MSH3: variants seen among roughly 807,000 people sequenced by gnomAD.
MSH3 encodes the protein DNA mismatch repair protein Msh3.
In MSH3, 106 loss-of-function variants were observed where a neutral mutation model predicts 123.3. The ratio of observed to expected loss-of-function variants is 0.86; its 90% CI spans 0.73 to 1.01. The LOEUF (loss-of-function observed/expected upper bound fraction) is 1.01. Ranked by LOEUF, MSH3 falls within the 50% of genes least tolerant of loss-of-function variation. The probability of loss-of-function intolerance (pLI) is 0.00; values close to 1 mark genes in which losing one functional copy is unlikely to be tolerated. For missense variants in MSH3, 1,459 were observed against 1,347.6 expected (o/e 1.08, Z -1.29); for synonymous variants, 515 against 481.4 (o/e 1.07, Z -0.91).
chr5:80,683,399 T>G (rs896235728), intron 8 of MSH3, among the ~76,000 whole-genome samples: 1 of 152,166 alleles, frequency 6.6e-6, no homozygotes, highest in Non-Finnish European at 1.5e-5. Flanking sequence ...ATAAAAGCCA[T>G]TTTAACTGAG....
At chr5:80,756,708 T>G (rs1743932824) in intron 12 of MSH3, among the ~76,000 whole-genome samples, 1 of 152,212 alleles carries the variant, frequency 6.6e-6, no homozygotes, top group Non-Finnish European at 1.5e-5. Flanking sequence ...CACTAGAGTG[T>G]AAATTGTTTG....
chr5:80,742,735 C>T (rs926012121), intron 11 of MSH3, among the ~76,000 whole-genome samples: 1 of 152,096 alleles, frequency 6.6e-6, no homozygotes, highest in African/African-American at 2.4e-5. Context: ...AGAATCTGTC[C>T]TGCCGGTCTG....
chr5:80,750,915 C>T (rs559658713), intron 12 of MSH3, among the ~76,000 whole-genome samples: 2 of 151,720 alleles, frequency 1.3e-5, no homozygotes, highest in African/African-American at 2.4e-5. Context: ...CAACTTAAAA[C>T]GTTGTGTTAA....
intron 1 of MSH3, 152 bp downstream of exon 1, chr5:80,655,116 G>C: frequency 1.9e-6 from 1 of 527,758 alleles, no homozygotes; most frequent in Non-Finnish European, 3.3e-6. Flanking sequence ...GAGCCCAGCC[G>C]GGGCTACAAA....
chr5:80,670,873 A>G lies in MSH3; in HGVS notation c.792+564A>G, dbSNP rs556932245. On this transcript the variant is annotated intron_variant, in intron 4 of 23. Transcript: ENST00000265081. Reference sequence around the variant, plus strand: ...GGTGGCTCATGCTTATAATCCCAGCACTTCGGGAAGCTGAGGTGGGTGGAT... The same window carrying G: ...GGTGGCTCATGCTTATAATCCCAGCGCTTCGGGAAGCTGAGGTGGGTGGAT... 2.6e-5 allele frequency among the ~76,000 whole-genome samples: 4 copies of G among 152,212 alleles called. No individual in the cohort carries two copies. In the East Asian group the frequency reaches 7.7e-4, roughly 29 times the overall value.
At position 80,792,833 on chromosome 5, in the gene MSH3, A is replaced by G. The variant is rs1744631960; in HGVS notation, c.2644A>G (p.Thr882Ala). 2.5e-6 allele frequency: 4 copies of G among 1,606,844 alleles called. No individual in the cohort carries two copies. The highest frequency in any genetic ancestry group is 3.4e-6 in the Non-Finnish European group (4 of 1,173,574). The change falls in exon 19 of 24, where the codon ACA (threonine) becomes GCA (alanine). Residue 882 changes from threonine to alanine, a missense_variant. By Grantham distance (58) the Thr-to-Ala change is moderately conservative. Transcript: ENST00000265081. Reference sequence around the variant, plus strand: ...ACAGGATCAATATGTCCCAAATAATACAGATTTATCAGTAAGTACCTTATG... The same window carrying G: ...ACAGGATCAATATGTCCCAAATAATGCAGATTTATCAGTAAGTACCTTATG... ...GEQDQYVPNN[T>A]DLSEDSERVM...
At chr5:80,849,368 A>G (rs1745789123) in intron 20 of MSH3, among the ~76,000 whole-genome samples, 1 of 152,078 alleles carries the variant, frequency 6.6e-6, no homozygotes, top group South Asian at 2.1e-4. Flanking sequence ...GTTCCACTAG[A>G]TGGTGCCCCA....
At chr5:80,821,161 C>T (rs1745199691) in intron 20 of MSH3, among the ~76,000 whole-genome samples, 1 of 152,180 alleles carries the variant, frequency 6.6e-6, no homozygotes, top group Non-Finnish European at 1.5e-5. Context: ...ATCTCTATGA[C>T]ACTTTGACCA....
intron 12 of MSH3, among the ~76,000 whole-genome samples, chr5:80,750,653 A>G (rs763023208): frequency 2.0e-5 from 3 of 152,082 alleles, no homozygotes; most frequent in African/African-American, 7.2e-5. Flanking sequence ...TGATTTGCAG[A>G]TATTTTCTCC....
chr5:80,671,947 A>G (rs1749734371), intron 4 of MSH3, among the ~76,000 whole-genome samples: 1 of 152,192 alleles, frequency 6.6e-6, no homozygotes, highest in Non-Finnish European at 1.5e-5. Context: ...TGTATTGGAT[A>G]GTCTTTGTGT....
chr5:80,777,911 C>T (rs763259075), intron 16 of MSH3, among the ~76,000 whole-genome samples: 4 of 152,302 alleles, frequency 2.6e-5, no homozygotes, highest in Non-Finnish European at 4.4e-5. Context: ...CTTACAGGCG[C>T]TCTCCTAAGT....
chr5:80,767,478 T>C (rs1744142435), intron 13 of MSH3, among the ~76,000 whole-genome samples: 1 of 152,236 alleles, frequency 6.6e-6, no homozygotes, highest in Non-Finnish European at 1.5e-5. Context: ...GATAATCGTA[T>C]ACATACTTGC....
intron 2 of MSH3, 43 bp from the exon 3 acceptor site, chr5:80,665,100 C>A: frequency 6.5e-7 from 1 of 1,530,408 alleles, no homozygotes; most frequent in Non-Finnish European, 9.0e-7. Context: ...ATAATGAGAC[C>A]AAAATTACTA....
Position 80,743,323 on chromosome 5 carries a change from T to C in MSH3, c.1654-1183T>C, listed in dbSNP as rs536629745. On this transcript the variant is annotated intron_variant, in intron 11 of 23. Coordinates refer to ENST00000265081, the MANE Select transcript of MSH3 (RefSeq NM_002439.5). ...CCAGCCATCCTCAGAGGAACCTTTG[T>C]GACCTTGTACCTTCTCTGTGCTCTC... 3.3e-5 allele frequency among the ~76,000 whole-genome samples: 5 copies of C among 152,282 alleles called. No individual in the cohort carries two copies. The South Asian group carries it at 1.0e-3, about 32-fold the overall frequency.
intron 20 of MSH3, among the ~76,000 whole-genome samples, chr5:80,832,891 C>G (rs13156751): frequency 0.011 from 1,617 of 152,110 alleles, 14 homozygotes; most frequent in Non-Finnish European, 0.016. Flanking sequence ...GTATTTCTCC[C>G]TTATACTAGC....
intron 20 of MSH3, among the ~76,000 whole-genome samples, chr5:80,820,990 G>A (rs1429580870): frequency 1.3e-5 from 2 of 152,162 alleles, no homozygotes; most frequent in Middle Eastern, 3.2e-3. Context: ...GACCATGCCG[G>A]CAATTCAGCT....
In MSH3 at chr5:80,675,552, C is replaced by G. The variant is rs1461525036; in HGVS notation, c.1173+424C>G. 1.1e-4 allele frequency among the ~76,000 whole-genome samples: 17 copies of G among 152,282 alleles called. No homozygotes were observed. The East Asian group carries it at 3.3e-3, about 29-fold the overall frequency. ...GGAAGTGCTACACACTTTTAAACAACCAGATATTGTGAGAACTGTCATGAG... is the reference window on the plus strand; with the variant it reads ...GGAAGTGCTACACACTTTTAAACAAGCAGATATTGTGAGAACTGTCATGAG... On this transcript the variant is annotated intron_variant, in intron 7 of 23. Transcript: ENST00000265081.
intron 15 of MSH3, among the ~76,000 whole-genome samples, chr5:80,770,869 A>G (rs751601236): frequency 1.3e-5 from 2 of 152,236 alleles, no homozygotes; most frequent in East Asian, 1.9e-4. Flanking sequence ...TCAGGAATTC[A>G]TAAGAGATAG....
At chr5:80,846,249 A>G (rs1025504126) in intron 20 of MSH3, among the ~76,000 whole-genome samples, 1 of 151,938 alleles carries the variant, frequency 6.6e-6, no homozygotes, top group African/African-American at 2.4e-5. Context: ...AACAGTAAAT[A>G]TTGCTGCCTG....
Sources: allele counts gnomAD v4.1 joint callset (sites outside exome capture counted in the v4.1 genomes callset), GRCh38; gene constraint gnomAD v4.1.1; transcripts MANE v1.5; gene names NCBI Gene and HGNC (gene_info 2026-07-23, HGNC 2026-07-21).